Variants in RGS6 observed in about 807,000 individuals in gnomAD.
RGS6 encodes the protein regulator of G-protein signaling 6.
In RGS6, 30 loss-of-function variants were observed where a neutral mutation model predicts 78.5. The ratio of observed to expected loss-of-function variants is 0.38; its 90% CI spans 0.29 to 0.52. The LOEUF is 0.52. Ranked by LOEUF, RGS6 falls within the 20% of genes least tolerant of loss-of-function variation. The pLI is 0.85. For missense variants in RGS6, 495 were observed against 609.7 expected (o/e 0.81, Z 1.98); for synonymous variants, 206 against 206.0 (o/e 1.00, Z 0.00).
chr14:72,476,729 C>T lies in RGS6; in HGVS notation c.694-13C>T. Reference sequence around the variant, plus strand: ...GTGGGTGGATGATCCTCTGTGCTTGCTTCTTCTCCTAGTCCGTGTATGGCG... The same window carrying T: ...GTGGGTGGATGATCCTCTGTGCTTGTTTCTTCTCCTAGTCCGTGTATGGCG... On this transcript the variant is annotated splice_polypyrimidine_tract_variant and intron_variant, in intron 10 of 17. Transcript: ENST00000553525. 6.2e-7 allele frequency: 1 copy of T among 1,612,816 alleles called. No individual in the cohort carries two copies.
At chr14:72,409,615 C>T (rs560267044) in intron 3 of RGS6, among the ~76,000 whole-genome samples, 2 of 151,950 alleles carry the variant, frequency 1.3e-5, no homozygotes, top group South Asian at 4.2e-4. Context: ...GCACAATGTG[C>T]AGGTTTGTTA....
At chr14:72,568,381 G>A (rs1399272105), downstream of RGS6, among the ~76,000 whole-genome samples, 4 of 152,196 alleles carry the variant, frequency 2.6e-5, no homozygotes, top group African/African-American at 7.2e-5. Flanking sequence ...ATTGAAAGGC[G>A]GTGAAGGGAG....
At chr14:72,010,456 A>G (rs2085442209) in intron 2 of RGS6, among the ~76,000 whole-genome samples, 1 of 152,202 alleles carries the variant, frequency 6.6e-6, no homozygotes. Context: ...TCTTTGAGTC[A>G]TTTACAGTTA....
intron 2 of RGS6, among the ~76,000 whole-genome samples, chr14:72,154,713 T>G (rs1275599329): frequency 6.6e-6 from 1 of 152,240 alleles, no homozygotes; most frequent in Admixed American, 6.5e-5. Flanking sequence ...TAAATGATAC[T>G]CAGTGTTCCT....
chr14:72,134,054 C>A (rs1235129078), intron 2 of RGS6, among the ~76,000 whole-genome samples: 1 of 152,170 alleles, frequency 6.6e-6, no homozygotes, highest in African/African-American at 2.4e-5. Context: ...CAAAATGAAG[C>A]CTACTTGGCA....
chr14:72,536,936 G>A (rs1249970870), intron 16 of RGS6, among the ~76,000 whole-genome samples: 1 of 152,140 alleles, frequency 6.6e-6, no homozygotes, highest in Non-Finnish European at 1.5e-5. Context: ...TCATGGATTT[G>A]AGGTGCAGGG....
rs987333640 is a variant in RGS6, at chr14:72,398,529, A to G, written c.184+46335A>G. On this transcript the variant is annotated intron_variant, in intron 3 of 17. Coordinates refer to ENST00000553525, the MANE Select transcript of RGS6 (RefSeq NM_001204424.2). ...TCCTGGATTCATTGATTTTTTGAAG[A>G]GTTTTTTGTGTCTCTATTTCCTTCA... Among the ~76,000 whole-genome samples the G allele has an allele frequency of 8.6e-5, 13 of 151,946 alleles. No homozygotes were observed. The East Asian group carries it at 2.3e-3, about 27-fold the overall frequency.
chr14:72,302,672 A>T (rs1595542843), intron 2 of RGS6, among the ~76,000 whole-genome samples: 1 of 146,170 alleles, frequency 6.8e-6, no homozygotes, highest in African/African-American at 2.7e-5. Flanking sequence ...CCCAACACAC[A>T]CATACACATA....
chr14:72,623,431 A>G, the RGS6 span, among the ~76,000 whole-genome samples: 1 of 152,234 alleles, frequency 6.6e-6, no homozygotes, highest in Non-Finnish European at 1.5e-5. Flanking sequence ...ATTTGACAAT[A>G]CATCCTTAGT....
At chr14:71,971,092 G>C (rs1418209775) in intron 2 of RGS6, among the ~76,000 whole-genome samples, 1 of 152,168 alleles carries the variant, frequency 6.6e-6, no homozygotes, top group African/African-American at 2.4e-5. Context: ...TAGACAGATG[G>C]ATTAGGGCCA....
chr14:72,491,474 A>G (rs1481111551), intron 12 of RGS6, among the ~76,000 whole-genome samples: 5 of 152,248 alleles, frequency 3.3e-5, no homozygotes, highest in African/African-American at 1.2e-4. Context: ...ATGTCACTAA[A>G]GGAACAAAAA....
intron 15 of RGS6, among the ~76,000 whole-genome samples, chr14:72,529,229 G>C (rs2097153107): frequency 6.6e-6 from 1 of 152,180 alleles, no homozygotes; most frequent in East Asian, 1.9e-4. Context: ...TGAAGCCATG[G>C]GGTCTGCATG....
chr14:72,294,992 A>G (rs907578028), intron 2 of RGS6, among the ~76,000 whole-genome samples: 17 of 152,316 alleles, frequency 1.1e-4, no homozygotes, highest in African/African-American at 3.8e-4. Flanking sequence ...GCATTTTAAC[A>G]TCAGAACCCT....
chr14:71,968,741 T>G (rs1300004857), intron 2 of RGS6, among the ~76,000 whole-genome samples: 1 of 152,190 alleles, frequency 6.6e-6, no homozygotes, highest in Non-Finnish European at 1.5e-5. Context: ...TGGGGCACAT[T>G]AAATTAATGA....
chr14:72,125,426 T>G (rs2096164805), intron 2 of RGS6, among the ~76,000 whole-genome samples: 1 of 152,130 alleles, frequency 6.6e-6, no homozygotes, highest in Admixed American at 6.6e-5. Flanking sequence ...CACATCCCCT[T>G]TCAAGTAGAA....
At chr14:71,947,437 A>C (rs567689698) in intron 1 of RGS6, among the ~76,000 whole-genome samples, 9 of 152,228 alleles carry the variant, frequency 5.9e-5, no homozygotes, top group African/African-American at 2.2e-4. Flanking sequence ...ATCTGCCTTA[A>C]AACCCCCTCC....
intron 2 of RGS6, among the ~76,000 whole-genome samples, chr14:72,314,094 G>A (rs569320512): frequency 1.1e-4 from 16 of 152,334 alleles, no homozygotes; most frequent in Admixed American, 8.5e-4. Context: ...TAGAGAAGGA[G>A]ATGATAGAGT....
chr14:71,873,297 G>C, the RGS6 span, among the ~76,000 whole-genome samples: 14 of 152,262 alleles, frequency 9.2e-5, no homozygotes, highest in South Asian at 2.9e-3. Context: ...ATCCTCTCCA[G>C]CACCTGTTGT....
intron 9 of RGS6, 115 bp from the exon 10 acceptor site, chr14:72,474,508 ATC>A: frequency 1.4e-5 from 13 of 926,440 alleles, no homozygotes; most frequent in Non-Finnish European, 1.8e-5. Context: ...GGAAAAAAAA[ATC>A]ATGCATTGTC....
Sources: allele counts gnomAD v4.1 joint callset (sites outside exome capture counted in the v4.1 genomes callset), GRCh38; gene constraint gnomAD v4.1.1; transcripts MANE v1.5; gene names NCBI Gene and HGNC (gene_info 2026-07-23, HGNC 2026-07-21).